Variants in SATB2 observed in about 807,000 individuals in gnomAD.
The protein encoded by SATB2 is SATB homeobox 2.
In SATB2, 1 loss-of-function variant was observed where a neutral mutation model predicts 73.4. That is an observed-to-expected ratio of 0.01 (90% CI 0.00 to 0.06). The LOEUF (loss-of-function observed/expected upper bound fraction) is 0.06. SATB2 is among the 10% of genes least tolerant of loss of function. The pLI is 1.00. For missense variants in SATB2, 459 were observed against 945.8 expected (o/e 0.49, Z 6.75); for synonymous variants, 397 against 367.0 (o/e 1.08, Z -0.93).
chr2:199,433,293 A>G (rs368493530), intron 3 of SATB2, 45 bp downstream of exon 3: 1 of 1,571,570 alleles, frequency 6.4e-7, no homozygotes, highest in Non-Finnish European at 8.7e-7. Context: ...TCCTCAAATT[A>G]TGACACACAA....
intron 3 of SATB2, among the ~76,000 whole-genome samples, chr2:199,406,290 A>G (rs1690626522): frequency 6.6e-6 from 1 of 152,170 alleles, no homozygotes; most frequent in Non-Finnish European, 1.5e-5. Flanking sequence ...ACACCTAAAC[A>G]TGGTAGAAAG....
chr2:199,292,875 T>C (rs1241996578), intron 10 of SATB2, among the ~76,000 whole-genome samples: 6 of 152,286 alleles, frequency 3.9e-5, no homozygotes, highest in South Asian at 2.1e-4. Flanking sequence ...GCCAAGTTTA[T>C]TTAGCAAATA....
intron 10 of SATB2, among the ~76,000 whole-genome samples, chr2:199,287,427 T>C (rs979865304): frequency 6.6e-5 from 10 of 152,176 alleles, no homozygotes; most frequent in African/African-American, 1.9e-4. Flanking sequence ...AATGAAGACT[T>C]AAATAATGAT....
chr2:199,455,855 C>T lies in SATB2; in HGVS notation c.169+14G>A, dbSNP rs1329704609. The T allele has an allele frequency of 1.3e-6, 2 of 1,535,526 alleles. No homozygotes were observed. The highest frequency in any genetic ancestry group is 2.0e-5 in the Admixed American group (1 of 51,136). On this transcript the variant is annotated intron_variant, in intron 2 of 10. Transcript: ENST00000417098. The surrounding 1 kb of genome is among the most constrained non-coding windows in gnomAD (Gnocchi z 4.1). ...GGGCCGCGGGCTGCGCGCCTCCCTG[C>T]TCCGGGCTGTTACCTCCCACGGCCT...
chr2:199,448,448 A>G (rs1196987788), intron 2 of SATB2, among the ~76,000 whole-genome samples: 2 of 152,218 alleles, frequency 1.3e-5, no homozygotes, highest in African/African-American at 4.8e-5. Context: ...AAGAACTGAT[A>G]CACTTGCTTT....
chr2:199,359,622 AT>A (rs1689081212), intron 6 of SATB2, among the ~76,000 whole-genome samples: 2 of 152,214 alleles, frequency 1.3e-5, no homozygotes, highest in African/African-American at 2.4e-5. Context: ...ACATTCAATT[AT>A]ATTAATATTT....
chr2:199,443,644 G>C (rs568183554), intron 2 of SATB2, among the ~76,000 whole-genome samples: 1 of 151,320 alleles, frequency 6.6e-6, no homozygotes, highest in Non-Finnish European at 1.5e-5. Flanking sequence ...TAGATGTGTA[G>C]AAAGCAACAC....
At chr2:199,335,940 A>G (rs1166725345) in intron 7 of SATB2, among the ~76,000 whole-genome samples, 1 of 152,204 alleles carries the variant, frequency 6.6e-6, no homozygotes, top group Non-Finnish European at 1.5e-5. Context: ...ACACAAAGTG[A>G]GTAGATACAA....
chr2:199,425,482 C>T (rs1992949), intron 3 of SATB2, among the ~76,000 whole-genome samples: 2,701 of 152,210 alleles, frequency 0.018, 108 homozygotes, highest in East Asian at 0.16. Flanking sequence ...ACTGATAGGA[C>T]TTTTTTTAGT....
intron 7 of SATB2, among the ~76,000 whole-genome samples, chr2:199,334,505 C>A (rs1373313558): frequency 2.0e-5 from 3 of 152,110 alleles, no homozygotes; most frequent in Non-Finnish European, 4.4e-5. Flanking sequence ...CCTTGGCACT[C>A]ATATGGGCCA....
intron 2 of SATB2, among the ~76,000 whole-genome samples, chr2:199,438,024 T>C (rs975861514): frequency 7.2e-5 from 11 of 152,146 alleles, no homozygotes; most frequent in African/African-American, 2.7e-4. Flanking sequence ...CATGTAGCAA[T>C]TGAGTACTTG....
At chr2:199,460,199 T>C (rs1692443763), upstream of SATB2, among the ~76,000 whole-genome samples, 1 of 152,106 alleles carries the variant, frequency 6.6e-6, no homozygotes, top group South Asian at 2.1e-4. This position sits in a 1 kb window ranked among gnomAD's most constrained non-coding sequence, Gnocchi z 4.0. Flanking sequence ...AATGCACAGT[T>C]CGAAGTCGGT....
At chr2:199,378,890 G>C (rs922545893) in intron 5 of SATB2, among the ~76,000 whole-genome samples, 3 of 152,128 alleles carry the variant, frequency 2.0e-5, no homozygotes, top group African/African-American at 7.2e-5. Flanking sequence ...TGTCAACCAG[G>C]ACATGAATCC....
intron 7 of SATB2, 57 bp from the exon 8 acceptor site, chr2:199,328,967 G>T: frequency 7.2e-7 from 1 of 1,380,892 alleles, no homozygotes; most frequent in Non-Finnish European, 1.0e-6. Context: ...TATGTGTGTG[G>T]TTTCTGTCTT....
chr2:199,307,787 G>A (rs1250346118), intron 10 of SATB2, among the ~76,000 whole-genome samples: 1 of 152,142 alleles, frequency 6.6e-6, no homozygotes, highest in Non-Finnish European at 1.5e-5. Context: ...TCAGGTTGGG[G>A]TGTTTCACTG....
At chr2:199,307,731 C>T (rs913407782) in intron 10 of SATB2, among the ~76,000 whole-genome samples, 2 of 152,192 alleles carry the variant, frequency 1.3e-5, no homozygotes, top group East Asian at 1.9e-4. Context: ...TCTGGCTTCT[C>T]TCCCAAACAT....
chr2:199,272,550 G>A lies in SATB2; in HGVS notation c.1863C>T (p.Ile621=), dbSNP rs962396470. The change falls in exon 11 of 11, where the codon ATC becomes ATT. Residue 621 remains isoleucine (I), a synonymous_variant. Coordinates refer to ENST00000417098, the MANE Select transcript of SATB2 (RefSeq NM_001172509.2). This position sits in a 1 kb window ranked among gnomAD's most constrained non-coding sequence, Gnocchi z 6.7. Reference sequence around the variant, plus strand: ...GGAGGATCCCCAGGGCTTCTAAGGAGATCTTTGTGCGAGACCGGGGCTTTT... The same window carrying A: ...GGAGGATCCCCAGGGCTTCTAAGGAAATCTTTGTGCGAGACCGGGGCTTTT... ...CAKKPRSRTK[I]SLEALGILQS... is the part of the protein sequence containing the mutation. 3.1e-6 allele frequency: 5 copies of A among 1,614,196 alleles called. No individual in the cohort carries two copies. The highest frequency in any genetic ancestry group is 1.3e-5 in the African/African-American group (1 of 75,036).
chr2:199,353,413 C>T (rs1688880944), intron 6 of SATB2, among the ~76,000 whole-genome samples: 1 of 151,984 alleles, frequency 6.6e-6, no homozygotes, highest in African/African-American at 2.4e-5. Context: ...CCTCGGCCTC[C>T]CAAATTGCTA....
chr2:199,281,239 A>C (rs899194526), intron 10 of SATB2, among the ~76,000 whole-genome samples: 2 of 146,312 alleles, frequency 1.4e-5, no homozygotes, highest in African/African-American at 5.0e-5. Flanking sequence ...GTCTCAAAAA[A>C]AAAAAAGCAT....
Sources: allele counts gnomAD v4.1 joint callset (sites outside exome capture counted in the v4.1 genomes callset), GRCh38; gene constraint gnomAD v4.1.1; non-coding constraint Gnocchi (gnomAD v3.1); transcripts MANE v1.5; gene names NCBI Gene and HGNC (gene_info 2026-07-23, HGNC 2026-07-21).